Variants in GLCCI1 observed in about 807,000 individuals in gnomAD.
The protein encoded by GLCCI1 is glucocorticoid induced 1.
GLCCI1 carries 24 observed loss-of-function variants against 52.2 expected under a neutral mutation model. The observed-to-expected ratio is 0.46, with a 90% confidence interval of 0.33 to 0.65. GLCCI1 has a LOEUF of 0.65. GLCCI1 is among the 30% of genes least tolerant of loss of function. GLCCI1 has a pLI of 0.02. For missense variants in GLCCI1, 704 were observed against 701.5 expected, an observed-to-expected ratio of 1.00 and a Z score of -0.04; for synonymous variants, 310 against 276.5, an observed-to-expected ratio of 1.12 and a Z score of -1.20.
intron 3 of GLCCI1, among the ~76,000 whole-genome samples, chr7:8,052,708 C>T (rs907147922): frequency 2.6e-5 from 4 of 152,200 alleles, no homozygotes; most frequent in Admixed American, 1.3e-4. Flanking sequence ...GTGCTTGTAT[C>T]GCGGTGCAGT....
chr7:8,001,917 A>G (rs1243464522), intron 1 of GLCCI1, among the ~76,000 whole-genome samples: 1 of 152,170 alleles, frequency 6.6e-6, no homozygotes, highest in African/African-American at 2.4e-5. Context: ...GGACACAGGA[A>G]GGGGAACATC....
chr7:8,010,371 TA>T (rs1781240402), intron 2 of GLCCI1, among the ~76,000 whole-genome samples: 2 of 152,326 alleles, frequency 1.3e-5, no homozygotes, highest in South Asian at 4.1e-4. Flanking sequence ...TAATGCTTTT[TA>T]TATATAACTT....
chr7:8,085,548 CTG>C (rs1417323151), intron 7 of GLCCI1, among the ~76,000 whole-genome samples: 2 of 152,210 alleles, frequency 1.3e-5, no homozygotes, highest in Non-Finnish European at 2.9e-5. Context: ...CAGAAGAAGA[CTG>C]TGGTTCTTGG....
At chr7:7,998,661 G>A (rs1780993527) in intron 1 of GLCCI1, among the ~76,000 whole-genome samples, 1 of 152,180 alleles carries the variant, frequency 6.6e-6, no homozygotes, top group East Asian at 1.9e-4. Flanking sequence ...ACCTTAGAGT[G>A]TTTTGTATTT....
chr7:8,074,970 C>T (rs1010781504), intron 6 of GLCCI1, among the ~76,000 whole-genome samples: 3 of 152,072 alleles, frequency 2.0e-5, no homozygotes, highest in African/African-American at 2.4e-5. Context: ...GGGATAGCTG[C>T]AGTGAATAGC....
chr7:8,046,164 A>G (rs999364906), intron 3 of GLCCI1, among the ~76,000 whole-genome samples: 12 of 107,228 alleles, frequency 1.1e-4, no homozygotes, highest in African/African-American at 3.1e-4. Flanking sequence ...AATCAGAACT[A>G]TCAGCTGGGA....
chr7:7,988,703 C>A (rs1780784574), intron 1 of GLCCI1, among the ~76,000 whole-genome samples: 1 of 152,040 alleles, frequency 6.6e-6, no homozygotes, highest in East Asian at 1.9e-4. Context: ...ATGAGAGTCA[C>A]TTTAAAATTT....
At chr7:8,007,445 G>C (rs1429339026) in intron 2 of GLCCI1, among the ~76,000 whole-genome samples, 1 of 152,064 alleles carries the variant, frequency 6.6e-6, no homozygotes, top group Non-Finnish European at 1.5e-5. Flanking sequence ...TTCTTCAGCT[G>C]TCTATTGCCT....
intron 5 of GLCCI1, among the ~76,000 whole-genome samples, chr7:8,063,208 G>T (rs1262898422): frequency 6.6e-6 from 1 of 152,094 alleles, no homozygotes; most frequent in Non-Finnish European, 1.5e-5. Flanking sequence ...CGTGATCTTG[G>T]CTTACTGCAA....
At chr7:8,046,173 G>GA in intron 3 of GLCCI1, among the ~76,000 whole-genome samples, 1 of 151,218 alleles carries the variant, frequency 6.6e-6, no homozygotes, top group East Asian at 1.9e-4. Context: ...TATCAGCTGG[G>GA]AATTGAAAGT....
intron 6 of GLCCI1, among the ~76,000 whole-genome samples, chr7:8,077,278 T>C (rs569928516): frequency 6.6e-6 from 1 of 152,286 alleles, no homozygotes; most frequent in East Asian, 1.9e-4. Context: ...TATCAACTCA[T>C]AGGGACCACT....
At chr7:7,979,647 T>G (rs1780567496) in intron 1 of GLCCI1, among the ~76,000 whole-genome samples, 1 of 152,208 alleles carries the variant, frequency 6.6e-6, no homozygotes, top group Admixed American at 6.5e-5. Flanking sequence ...TTTCTTTCTA[T>G]GCATACATAT....
chr7:8,082,188 T>C (rs1018478556), intron 6 of GLCCI1, among the ~76,000 whole-genome samples: 1 of 152,196 alleles, frequency 6.6e-6, no homozygotes, highest in Non-Finnish European at 1.5e-5. Context: ...TGAATAGTAA[T>C]AGTTTGTACA....
chr7:7,995,866 G>A (rs145044782), intron 1 of GLCCI1, among the ~76,000 whole-genome samples: 4,265 of 151,714 alleles, frequency 0.028, 190 homozygotes, highest in African/African-American at 0.09. Flanking sequence ...AAACCTGCAC[G>A]TTGTGCACAT....
chr7:8,025,376 G>T (rs982706435), intron 3 of GLCCI1, among the ~76,000 whole-genome samples: 5 of 152,022 alleles, frequency 3.3e-5, no homozygotes, highest in African/African-American at 1.2e-4. Flanking sequence ...TTTTCACAAA[G>T]AGTTAGTCAT....
rs146121107 is a variant in GLCCI1 at position 8,038,288 on chromosome 7, G to A, written c.696+15719G>A. ...AAAAAATAATCTGAAAATTCATATTGAAAAAAGCCCAAATGGTGAAAGCAG... is the reference window on the plus strand; with the variant it reads ...AAAAAATAATCTGAAAATTCATATTAAAAAAAGCCCAAATGGTGAAAGCAG... On this transcript the variant is annotated intron_variant, in intron 3 of 7. Transcript: ENST00000223145. Among the ~76,000 whole-genome samples, 154 of 152,098 alleles carry A rather than the reference G, an allele frequency of 1.0e-3. 1 individual carries two copies. The South Asian group carries it at 0.021, about 20-fold the overall frequency.
intron 2 of GLCCI1, 72 bp downstream of exon 2, chr7:8,004,131 A>G (rs1453559445): frequency 2.3e-6 from 3 of 1,289,926 alleles, no homozygotes; most frequent in African/African-American, 1.5e-5. Context: ...AAGAAAATGT[A>G]ATATAATCAA....
At chr7:8,042,612 A>T (rs911864637) in intron 3 of GLCCI1, among the ~76,000 whole-genome samples, 1 of 152,216 alleles carries the variant, frequency 6.6e-6, no homozygotes, top group African/African-American at 2.4e-5. Flanking sequence ...AGACCAGGGC[A>T]ACATAGCAAG....
At position 8,061,657 on chromosome 7, in the gene GLCCI1, C is replaced by CTTTTTT. The variant is rs61377819; in HGVS notation, c.966+1431_966+1436dup. ...TGGCATCTCTGTTTACCATTGAACT[C>CTTTTTT]TTTTTTTTTTTTTTTTTTTTTTTTT... On this transcript the variant is annotated intron_variant, in intron 5 of 7. Transcript: ENST00000223145. Among the ~76,000 whole-genome samples the CTTTTTT allele has an allele frequency of 4.3e-4, 34 of 78,382 alleles. 6 individuals carry two copies. Among genetic ancestry groups the CTTTTTT allele is most frequent in the East Asian group, 2.5e-3 (6 of 2,388 alleles). 51.4% of individuals were successfully genotyped at this position (78,382 alleles called of 152,430 possible).
Sources: gnomAD v4.1 joint callset for allele counts (sites outside exome capture counted in the v4.1 genomes callset) on GRCh38, gnomAD v4.1.1 for gene constraint, MANE v1.5 for transcripts, NCBI Gene and HGNC (gene_info 2026-07-23, HGNC 2026-07-21) for gene names.